Variants in GPR89A observed in about 807,000 individuals in gnomAD.
The protein encoded by GPR89A is golgi pH regulator A.
GPR89A carries 16 observed loss-of-function variants against 52.0 expected under a neutral mutation model. The ratio of observed to expected loss-of-function variants is 0.31; its 90% CI spans 0.21 to 0.47. The LOEUF is 0.47. Among genes scored for constraint, GPR89A ranks in the 20% least tolerant of loss-of-function variants. GPR89A has a pLI of 1.00. For missense variants in GPR89A, 135 were observed against 449.4 expected (o/e 0.30, Z 6.33); for synonymous variants, 55 against 150.9 (o/e 0.36, Z 4.66).
intron 10 of GPR89A, among the ~76,000 whole-genome samples, chr1:145,654,871 T>A (rs1407381036): frequency 3.9e-5 from 6 of 152,056 alleles, no homozygotes. Flanking sequence ...CTGGATGATA[T>A]CCTGAAGTAT....
At chr1:145,611,230 G>T (rs1392091187) in intron 1 of GPR89A, among the ~76,000 whole-genome samples, 1 of 148,056 alleles carries the variant, frequency 6.8e-6, no homozygotes, top group Admixed American at 6.8e-5. Flanking sequence ...TTTAGATTTG[G>T]TACTTGTGCC....
At chr1:145,619,875 C>T (rs1249251325) in intron 3 of GPR89A, among the ~76,000 whole-genome samples, 2 of 151,686 alleles carry the variant, frequency 1.3e-5, no homozygotes, top group Non-Finnish European at 1.5e-5. Flanking sequence ...ATTAGCTGGG[C>T]GTGGTGGTGG....
chr1:145,614,053 C>T lies in GPR89A; in HGVS notation c.43-2181C>T, dbSNP rs587722578. ...CTACCCAAAGTGCTGGGATTACAGACGTGAGCCACCATGTCCAGCCTCCCT... is the reference window on the plus strand; with the variant it reads ...CTACCCAAAGTGCTGGGATTACAGATGTGAGCCACCATGTCCAGCCTCCCT... On this transcript the variant is annotated intron_variant, in intron 1 of 13. Transcript: ENST00000313835. Among the ~76,000 whole-genome samples, 108 of 152,254 alleles carry T rather than the reference C, an allele frequency of 7.1e-4. 2 individuals are homozygous for T. The highest frequency in any genetic ancestry group is 8.2e-4 in the Non-Finnish European group (56 of 68,022).
intron 10 of GPR89A, among the ~76,000 whole-genome samples, chr1:145,657,306 G>C (rs1200752069): frequency 1.4e-5 from 2 of 147,948 alleles, no homozygotes; most frequent in Non-Finnish European, 3.0e-5. Flanking sequence ...TGGGAGGATC[G>C]CTTGAGCCCA....
At chr1:145,667,356 A>G (rs1443006228) in intron 12 of GPR89A, among the ~76,000 whole-genome samples, 3 of 151,964 alleles carry the variant, frequency 2.0e-5, no homozygotes, top group Admixed American at 6.6e-5. Context: ...GCATTTTTTC[A>G]TGTGTCTGTT....
chr1:145,636,932 TA>T (rs1185732223), intron 7 of GPR89A, among the ~76,000 whole-genome samples: 8 of 152,142 alleles, frequency 5.3e-5, no homozygotes, highest in Admixed American at 5.2e-4. Flanking sequence ...ACTGAACATT[TA>T]AAGGGGAAAT....
chr1:145,662,043 A>G (rs1652237704), intron 10 of GPR89A, among the ~76,000 whole-genome samples: 1 of 152,138 alleles, frequency 6.6e-6, no homozygotes, highest in Admixed American at 6.6e-5. Flanking sequence ...TCTGTCCCAG[A>G]CAGAATATGG....
intron 3 of GPR89A, among the ~76,000 whole-genome samples, chr1:145,619,733 T>C (rs1247920528): frequency 6.6e-6 from 1 of 150,464 alleles, no homozygotes; most frequent in Non-Finnish European, 1.5e-5. Flanking sequence ...ATCCAAACCT[T>C]GGCCGGGCAC....
intron 10 of GPR89A, among the ~76,000 whole-genome samples, chr1:145,662,309 G>C (rs1232189033): frequency 6.6e-6 from 1 of 152,044 alleles, no homozygotes; most frequent in East Asian, 1.9e-4. Context: ...TGTACCCCTT[G>C]TTGAAATGAT....
intron 10 of GPR89A, among the ~76,000 whole-genome samples, chr1:145,657,961 A>G (rs1270749300): frequency 6.6e-6 from 1 of 151,862 alleles, no homozygotes; most frequent in African/African-American, 2.4e-5. Flanking sequence ...TCAATTTTTG[A>G]ACATTTTTAT....
At chr1:145,635,888 G>A (rs1650203876) in intron 7 of GPR89A, among the ~76,000 whole-genome samples, 1 of 152,104 alleles carries the variant, frequency 6.6e-6, no homozygotes, top group African/African-American at 2.4e-5. Flanking sequence ...GAACCCGGGA[G>A]GCAGAGGTTG....
At chr1:145,616,380 T>G in intron 2 of GPR89A, 87 bp downstream of exon 2, 1 of 1,060,896 alleles carries the variant, frequency 9.4e-7, no homozygotes, top group South Asian at 1.4e-5. Flanking sequence ...TTATGTTCAT[T>G]TCCAAGATAG....
Position 145,669,659 on chromosome 1 carries a change from A to C in GPR89A, c.1130A>C (p.Asn377Thr), listed in dbSNP as rs1553697118. ...GCCATCTCTAGCAGTAAGTCCTCCA[A>C]TGTCATTGTCCTGCTATTAGCACAG... ...FYAISSSKSS[N>T]VIVLLLAQIM... is the part of the protein sequence containing the mutation. The change falls in exon 13 of 14, where the codon AAT (asparagine) becomes ACT (threonine). Residue 377 changes from asparagine to threonine, a missense_variant. Physicochemically the swap from Asn to Thr is moderately conservative, Grantham distance 65. This residue lies in a region of GPR89A where 22 missense variants were observed against 48.4 expected (regional missense o/e 0.45). Coordinates refer to ENST00000313835, the MANE Select transcript of GPR89A (RefSeq NM_001097612.2). The C allele has an allele frequency of 6.2e-7, 1 of 1,611,406 alleles. No individual in the cohort carries two copies. The highest frequency in any genetic ancestry group is 1.3e-5 in the African/African-American group (1 of 74,758).
intron 1 of GPR89A, chr1:145,611,364 C>T (rs1367979604): frequency 6.7e-6 from 1 of 149,364 alleles, no homozygotes; most frequent in Admixed American, 6.7e-5. Context: ...CCCAAGTAGT[C>T]TCCAGTTTCT....
chr1:145,624,051 C>G (rs1330781947), intron 5 of GPR89A, among the ~76,000 whole-genome samples: 3 of 148,694 alleles, frequency 2.0e-5, no homozygotes, highest in Non-Finnish European at 4.5e-5. Flanking sequence ...AGAACGGTGT[C>G]TAACTCATAT....
At chr1:145,636,872 C>T (rs1310137295) in intron 7 of GPR89A, among the ~76,000 whole-genome samples, 2 of 152,180 alleles carry the variant, frequency 1.3e-5, no homozygotes, top group Admixed American at 1.3e-4. Flanking sequence ...CCCCCCCTGC[C>T]AGCACCCACT....
At chr1:145,658,864 G>A (rs1179191460) in intron 10 of GPR89A, among the ~76,000 whole-genome samples, 1 of 151,856 alleles carries the variant, frequency 6.6e-6, no homozygotes, top group Non-Finnish European at 1.5e-5. Context: ...TTCGATCTCT[G>A]CCTCCTGGGT....
intron 12 of GPR89A, among the ~76,000 whole-genome samples, chr1:145,667,472 C>T (rs1179803536): frequency 6.6e-6 from 1 of 151,970 alleles, no homozygotes; most frequent in Non-Finnish European, 1.5e-5. Flanking sequence ...TGGATATTAG[C>T]CCTTTGTCAG....
intron 7 of GPR89A, among the ~76,000 whole-genome samples, chr1:145,637,085 G>C (rs1451585614): frequency 3.3e-5 from 5 of 152,206 alleles, no homozygotes; most frequent in African/African-American, 1.2e-4. Context: ...AACTGGAAGA[G>C]AGTCTATGCT....
Sources: allele counts gnomAD v4.1 joint callset (sites outside exome capture counted in the v4.1 genomes callset), GRCh38; gene constraint gnomAD v4.1.1; regional missense constraint gnomAD v4.1.1; transcripts MANE v1.5; gene names NCBI Gene and HGNC (gene_info 2026-07-23, HGNC 2026-07-21).